UCN3: variants seen among roughly 807,000 people sequenced by gnomAD.
The protein encoded by UCN3 is urocortin-3.
In UCN3, 3 loss-of-function variants were observed where a neutral mutation model predicts 3.6. The ratio of observed to expected loss-of-function variants is 0.83; its 90% CI spans 0.38 to 2.15. The LOEUF (loss-of-function observed/expected upper bound fraction) is 2.15. Ranked by LOEUF, UCN3 falls within the 30% of genes most tolerant of loss-of-function variation. UCN3 has a pLI of 0.06. For missense variants in UCN3, 206 were observed against 208.3 expected (o/e 0.99, Z 0.07); for synonymous variants, 100 against 93.2 (o/e 1.07, Z -0.42).
chr10:5,366,697 G>C lies in UCN3; in HGVS notation c.-7+1467G>C, dbSNP rs183354642. On this transcript the variant is annotated intron_variant, in intron 1 of 1. Transcript: ENST00000380433. The surrounding 1 kb of genome is among the most constrained non-coding windows in gnomAD (Gnocchi z 4.2). The stretch of plus-strand genomic sequence containing the variant: ...TGCAAAGAACCCTTACATTTTAAAC[G>C]ATCTAAAACTAAGCTCAGCACCGGG... Among the ~76,000 whole-genome samples the C allele has an allele frequency of 1.3e-5, 2 of 152,260 alleles. No homozygotes were observed. Among genetic ancestry groups the C allele is most frequent in the East Asian group, 3.9e-4 (2 of 5,192 alleles).
chr10:5,373,970 T>C lies in UCN3; in HGVS notation c.250T>C (p.Ser84Pro). The C allele has an allele frequency of 1.2e-6, 2 of 1,610,484 alleles. No individual in the cohort carries two copies. The highest frequency in any genetic ancestry group is 8.5e-7 in the Non-Finnish European group (1 of 1,178,452). The change falls in exon 2 of 2, where the codon TCT becomes CCT. Residue 84 changes from serine (S) to proline (P), a missense_variant. Physicochemically the swap from Ser to Pro is moderately conservative, Grantham distance 74. Coordinates refer to ENST00000380433, the MANE Select transcript of UCN3 (RefSeq NM_053049.4). ...EGKEKKTFPI[S>P]GARGGARGTR... The stretch of plus-strand genomic sequence containing the variant: ...CAAAGAGAAAAAGACTTTCCCCATC[T>C]CTGGGGCCAGGGGTGGAGCCAGAGG...
chr10:5,369,977 GCGTGTGTA>G (rs1831326209), intron 1 of UCN3, among the ~76,000 whole-genome samples: 1 of 113,646 alleles, frequency 8.8e-6, no homozygotes, highest in Admixed American at 8.5e-5. Flanking sequence ...GTGTGTATAT[GCGTGTGTA>G]TATGTGTGTA....
In UCN3 at chr10:5,370,046, CGTGTGTATGTGTGTGTATAT is replaced by C. The variant is rs1564442276; in HGVS notation, c.-6-3660_-6-3641del. ...GTGTGTGTATATGCGTGTGTATATG[CGTGTGTATGTGTGTGTATAT>C]GTGTGTATATGCGTGTGTATATGCG... On this transcript the variant is annotated intron_variant, in intron 1 of 1. Coordinates refer to ENST00000380433, the MANE Select transcript of UCN3 (RefSeq NM_053049.4). Among the ~76,000 whole-genome samples the C allele has an allele frequency of 3.3e-3, 36 of 10,946 alleles. 1 individual carries two copies. The highest frequency in any genetic ancestry group is 6.2e-3 in the South Asian group (1 of 162). 7.2% of individuals were successfully genotyped at this position (10,946 alleles called of 152,430 possible). A position where few individuals can be genotyped will look rare whatever the true frequency, so the allele number is the denominator to read the frequency against.
chr10:5,368,182 T>C (rs965290353), intron 1 of UCN3, among the ~76,000 whole-genome samples: 1 of 151,992 alleles, frequency 6.6e-6, no homozygotes, highest in Admixed American at 6.5e-5. Flanking sequence ...TTTTGTATTT[T>C]TAGTAGAGAC....
Position 5,370,945 on chromosome 10 carries a change from A to G in UCN3, c.-6-2770A>G, listed in dbSNP as rs1157207515. ...CGTGTGTATATGTGTGTTCATGTGT[A>G]TGTGTGTAAGGTGTGTGTGTGTGTA... On this transcript the variant is annotated intron_variant, in intron 1 of 1. Transcript: ENST00000380433. Among the ~76,000 whole-genome samples, 27 of 96,806 alleles carry G rather than the reference A, an allele frequency of 2.8e-4. 1 individual carries two copies. Among genetic ancestry groups the G allele is most frequent in the Non-Finnish European group, 1.7e-4 (8 of 48,348 alleles). The allele number at this position is 96,806 out of a possible 152,430, so 63.5% of individuals were successfully genotyped here.
Position 5,369,978 on chromosome 10 carries a change from CGTGTGTATATGTGTGTATGTGT to C in UCN3, c.-6-3728_-6-3707del, listed in dbSNP as rs1831326442. ...GTGTGTGTATATGCGTGTGTATATGCGTGTGTATATGTGTGTATGTGTGTGTGTATGTGTGTGTATATGTGTG... is the reference window on the plus strand; with the variant it reads ...GTGTGTGTATATGCGTGTGTATATGCGTGTGTATGTGTGTGTATATGTGTG... On this transcript the variant is annotated intron_variant, in intron 1 of 1. Coordinates refer to ENST00000380433, the MANE Select transcript of UCN3 (RefSeq NM_053049.4). 5.6e-4 allele frequency among the ~76,000 whole-genome samples: 8 copies of C among 14,382 alleles called. 1 individual carries two copies. The highest frequency in any genetic ancestry group is 3.0e-3 in the African/African-American group (8 of 2,702). The allele number at this position is 14,382 out of a possible 152,430, so 9.4% of individuals were successfully genotyped here. A position where few individuals can be genotyped will look rare whatever the true frequency, so the allele number is the denominator to read the frequency against.
At position 5,373,836 on chromosome 10, in the gene UCN3, C is replaced by A; in HGVS notation, c.116C>A (p.Ala39Asp). ...AKPIFSCLNT[A>D]LSEAEKGQWE... ...CCCATCTTCAGCTGCCTCAACACCGCCCTGTCTGAGGCTGAGAAGGGCCAG... is the reference window on the plus strand; with the variant it reads ...CCCATCTTCAGCTGCCTCAACACCGACCTGTCTGAGGCTGAGAAGGGCCAG... Residue 39 changes from alanine (A) to aspartate (D), a missense_variant, in exon 2 of 2, where the codon GCC becomes GAC. By Grantham distance (126) the Ala-to-Asp change is moderately radical. Transcript: ENST00000380433. 6.2e-7 allele frequency: 1 copy of A among 1,614,096 alleles called. No homozygotes were observed. Among genetic ancestry groups the A allele is most frequent in the Non-Finnish European group, 8.5e-7 (1 of 1,179,994 alleles).
Position 5,365,567 on chromosome 10 carries a change from C to G in UCN3, c.-7+337C>G, listed in dbSNP as rs1156801882. ...GCACAGGAAAGTCAGTCCTCGGAGA[C>G]AGTTTACAAATGGGGATGGGGTAGG... is the stretch of plus-strand genomic sequence containing the variant. On this transcript the variant is annotated intron_variant, in intron 1 of 1. Transcript: ENST00000380433. This position sits in a 1 kb window ranked among gnomAD's most constrained non-coding sequence, Gnocchi z 4.4. 2.6e-5 allele frequency among the ~76,000 whole-genome samples: 4 copies of G among 152,186 alleles called. No homozygotes were observed. Among genetic ancestry groups the G allele is most frequent in the Admixed American group, 2.0e-4 (3 of 15,284 alleles).
At chr10:5,370,007 ATGTGTGTG>A (rs1175519912) in intron 1 of UCN3, among the ~76,000 whole-genome samples, 5 of 34,994 alleles carry the variant, frequency 1.4e-4, no homozygotes, top group South Asian at 8.6e-4. Flanking sequence ...GTGTGTGTGT[ATGTGTGTG>A]TATATGTGTG....
At chr10:5,371,055 A>G (rs538061644) in intron 1 of UCN3, among the ~76,000 whole-genome samples, 4 of 143,858 alleles carry the variant, frequency 2.8e-5, no homozygotes, top group East Asian at 2.1e-4. Context: ...ATGTGTGTGT[A>G]TGTATGTACG....
rs1564443683 is a variant in UCN3 at position 5,370,859 on chromosome 10, G to GCGTGTGTT, written c.-6-2856_-6-2855insCGTGTGTT. On this transcript the variant is annotated intron_variant, in intron 1 of 1. Coordinates refer to ENST00000380433, the MANE Select transcript of UCN3 (RefSeq NM_053049.4). ...TGTGCGCGTGTGTGTGCGCGTGTGT[G>GCGTGTGTT]TGCGTGTGTATGTGTGTGTATATGC... Among the ~76,000 whole-genome samples the GCGTGTGTT allele has an allele frequency of 7.0e-5, 8 of 113,520 alleles. 1 individual carries two copies. Among genetic ancestry groups the GCGTGTGTT allele is most frequent in the African/African-American group, 3.0e-4 (8 of 26,604 alleles). The allele number at this position is 113,520 out of a possible 152,430, so 74.5% of individuals were successfully genotyped here.
chr10:5,370,017 A>G lies in UCN3; in HGVS notation c.-6-3698A>G, dbSNP rs202243615. Among the ~76,000 whole-genome samples the G allele has an allele frequency of 4.8e-3, 282 of 58,732 alleles. 40 individuals carry two copies. The highest frequency in any genetic ancestry group is 5.7e-3 in the Non-Finnish European group (184 of 32,318). 38.5% of individuals were successfully genotyped at this position (58,732 alleles called of 152,430 possible). A position where few individuals can be genotyped will look rare whatever the true frequency, so the allele number is the denominator to read the frequency against. On this transcript the variant is annotated intron_variant, in intron 1 of 1. Transcript: ENST00000380433. ...TGTATGTGTGTGTGTATGTGTGTGTATATGTGTGTGTATATGCGTGTGTAT... is the reference window on the plus strand; with the variant it reads ...TGTATGTGTGTGTGTATGTGTGTGTGTATGTGTGTGTATATGCGTGTGTAT...
chr10:5,371,174 T>C (rs1289640439), intron 1 of UCN3, among the ~76,000 whole-genome samples: 4 of 151,636 alleles, frequency 2.6e-5, no homozygotes, highest in Non-Finnish European at 4.4e-5. Flanking sequence ...CATGTGTATG[T>C]ATGTGCATAT....
chr10:5,370,223 G>GTGTGTGTGTATA (rs781842004), intron 1 of UCN3, among the ~76,000 whole-genome samples: 7,996 of 13,728 alleles, frequency 0.58, 3,377 homozygotes, highest in East Asian at 0.77. Context: ...GTGTGTGTAT[G>GTGTGTGTGTATA]TGCGTGTGTG....
chr10:5,365,553 T>G lies in UCN3; in HGVS notation c.-7+323T>G, dbSNP rs1834108078. Among the ~76,000 whole-genome samples, 1 of 152,132 alleles carries G rather than the reference T, an allele frequency of 6.6e-6. No individual in the cohort carries two copies. Among genetic ancestry groups the G allele is most frequent in the Admixed American group, 6.5e-5 (1 of 15,280 alleles). ...CAGAGCACAGCTGTGCACAGGAAAG[T>G]CAGTCCTCGGAGACAGTTTACAAAT... On this transcript the variant is annotated intron_variant, in intron 1 of 1. Transcript: ENST00000380433. The surrounding 1 kb of genome is among the most constrained non-coding windows in gnomAD (Gnocchi z 4.4).
At chr10:5,368,839 T>C (rs1406686368) in intron 1 of UCN3, among the ~76,000 whole-genome samples, 2 of 152,184 alleles carry the variant, frequency 1.3e-5, no homozygotes, top group African/African-American at 4.8e-5. Context: ...AAAGCCCATT[T>C]TCCACAGGGA....
At chr10:5,368,009 T>A (rs1185240541) in intron 1 of UCN3, among the ~76,000 whole-genome samples, 8 of 151,972 alleles carry the variant, frequency 5.3e-5, no homozygotes, top group East Asian at 1.9e-4. Context: ...TTTTTTAATT[T>A]ATTTATTTTT....
In UCN3 at chr10:5,369,939, ATGTGTGTG is replaced by A. The variant is rs1182036788; in HGVS notation, c.-6-3774_-6-3767del. On this transcript the variant is annotated intron_variant, in intron 1 of 1. Coordinates refer to ENST00000380433, the MANE Select transcript of UCN3 (RefSeq NM_053049.4). Reference sequence around the variant, plus strand: ...TATGTGTGTGTATGTGTGTGTGTGTATGTGTGTGTATATGTGTGTGTATATGCGTGTGT... The same window carrying A: ...TATGTGTGTGTATGTGTGTGTGTGTATATATGTGTGTGTATATGCGTGTGT... Among the ~76,000 whole-genome samples, 19 of 66,040 alleles carry A rather than the reference ATGTGTGTG, an allele frequency of 2.9e-4. 1 individual carries two copies. The highest frequency in any genetic ancestry group is 5.5e-4 in the East Asian group (1 of 1,818). 43.3% of individuals were successfully genotyped at this position (66,040 alleles called of 152,430 possible). A position where few individuals can be genotyped will look rare whatever the true frequency, so the allele number is the denominator to read the frequency against.
rs1237245717 is a variant in UCN3 at position 5,367,643 on chromosome 10, A to G, written c.-7+2413A>G. On this transcript the variant is annotated intron_variant, in intron 1 of 1. Transcript: ENST00000380433. This position sits in a 1 kb window ranked among gnomAD's most constrained non-coding sequence, Gnocchi z 4.3. The stretch of plus-strand genomic sequence containing the variant: ...GAGACACCAAAGAAATATAACACCC[A>G]AAGTGTCTTTAAGGGGTGGAGATAG... 6.6e-6 allele frequency among the ~76,000 whole-genome samples: 1 copy of G among 152,242 alleles called. No individual in the cohort carries two copies. The highest frequency in any genetic ancestry group is 2.4e-5 in the African/African-American group (1 of 41,466).
Sources: allele counts gnomAD v4.1 joint callset (sites outside exome capture counted in the v4.1 genomes callset), GRCh38; gene constraint gnomAD v4.1.1; non-coding constraint Gnocchi (gnomAD v3.1); transcripts MANE v1.5; gene names NCBI Gene and HGNC (gene_info 2026-07-23, HGNC 2026-07-21).